The following ANXA8 variants were observed in gnomAD, a reference collection of about 807,000 sequenced individuals.
The protein encoded by ANXA8 is annexin A8, also known as VAC-beta.
A neutral mutation model predicts 26.8 loss-of-function variants in ANXA8; 9 were observed. The ratio of observed to expected loss-of-function variants is 0.34; its 90% CI spans 0.20 to 0.59. The LOEUF (loss-of-function observed/expected upper bound fraction) is 0.59. ANXA8 is among the 20% of genes least tolerant of loss of function. The pLI, the probability that ANXA8 is intolerant of heterozygous loss-of-function variation, is 0.84. For missense variants in ANXA8, 83 were observed against 238.5 expected, an observed-to-expected ratio of 0.35 and a Z score of 4.29; for synonymous variants, 39 against 94.8, an observed-to-expected ratio of 0.41 and a Z score of 3.42.
chr10:47,513,660 A>C, the ANXA8 span, among the ~76,000 whole-genome samples: 1 of 140,390 alleles, frequency 7.1e-6, no homozygotes, highest in Non-Finnish European at 1.6e-5. Context: ...TAGTCGCCAA[A>C]ATAGCACGGT....
At chr10:47,778,148 G>A in the ANXA8 span, among the ~76,000 whole-genome samples, 1 of 149,876 alleles carries the variant, frequency 6.7e-6, no homozygotes, top group Non-Finnish European at 1.5e-5. Flanking sequence ...GGGCCAGAGT[G>A]TTTCATATTT....
At chr10:47,664,261 C>T in the ANXA8 span, among the ~76,000 whole-genome samples, 1 of 151,988 alleles carries the variant, frequency 6.6e-6, no homozygotes, top group African/African-American at 2.4e-5. Flanking sequence ...GCCTGTCATC[C>T]CAGCTACTGG....
At chr10:47,493,566 C>A in the ANXA8 span, among the ~76,000 whole-genome samples, 1 of 150,062 alleles carries the variant, frequency 6.7e-6, no homozygotes, top group Non-Finnish European at 1.5e-5. Flanking sequence ...CCCCACAGAC[C>A]CCCTCCTCAT....
chr10:47,497,629 A>AC, the ANXA8 span, among the ~76,000 whole-genome samples: 10 of 139,510 alleles, frequency 7.2e-5, no homozygotes, highest in African/African-American at 2.6e-4. Flanking sequence ...CAAAAAAAAA[A>AC]AACAACAACA....
chr10:47,560,201 CTGTT>C, the ANXA8 span, among the ~76,000 whole-genome samples: 1 of 151,706 alleles, frequency 6.6e-6, no homozygotes, highest in Admixed American at 6.6e-5. Flanking sequence ...TTGAATGCTT[CTGTT>C]TGATTTATGA....
the ANXA8 span, among the ~76,000 whole-genome samples, chr10:47,522,273 C>T: frequency 4.8e-5 from 7 of 144,462 alleles, no homozygotes; most frequent in African/African-American, 1.8e-4. Flanking sequence ...TGAACCAATC[C>T]CCACCTCTCT....
the ANXA8 span, chr10:47,502,109 A>G: frequency 6.4e-7 from 1 of 1,573,342 alleles, no homozygotes; most frequent in Non-Finnish European, 8.6e-7. Context: ...GTACTGCAGA[A>G]GCACGTTGAT....
the ANXA8 span, among the ~76,000 whole-genome samples, chr10:47,653,987 G>A: frequency 6.6e-6 from 1 of 150,966 alleles, no homozygotes; most frequent in East Asian, 1.9e-4. Context: ...GGAACACCTA[G>A]GGATAGAGTA....
chr10:47,665,349 G>A, the ANXA8 span, among the ~76,000 whole-genome samples: 1 of 150,532 alleles, frequency 6.6e-6, no homozygotes, highest in Non-Finnish European at 1.5e-5. Context: ...ATTTCTAGGA[G>A]GAATGATTGT....
At chr10:47,639,311 A>ATTTTTTTT in the ANXA8 span, among the ~76,000 whole-genome samples, 1 of 59,556 alleles carries the variant, frequency 1.7e-5, no homozygotes, top group Non-Finnish European at 3.4e-5. Context: ...TATTATTATT[A>ATTTTTTTT]TTATTTTTTT....
the ANXA8 span, among the ~76,000 whole-genome samples, chr10:47,555,813 A>G: frequency 2.6e-5 from 4 of 152,094 alleles, no homozygotes; most frequent in African/African-American, 7.3e-5. Flanking sequence ...GAAAACCCAC[A>G]CATTTGGTTT....
the ANXA8 span, among the ~76,000 whole-genome samples, chr10:47,969,866 C>A: frequency 4.0e-5 from 6 of 151,378 alleles, no homozygotes; most frequent in East Asian, 7.7e-4. Context: ...CAGGTGGGAG[C>A]CACAGTGCTA....
the ANXA8 span, among the ~76,000 whole-genome samples, chr10:47,945,155 C>T: frequency 3.3e-5 from 5 of 150,030 alleles, no homozygotes; most frequent in African/African-American, 1.2e-4. Context: ...AATTCCTGGG[C>T]ATAGCCATGC....
the ANXA8 span, among the ~76,000 whole-genome samples, chr10:47,720,920 G>A: frequency 7.1e-6 from 1 of 139,918 alleles, no homozygotes; most frequent in Non-Finnish European, 1.6e-5. Flanking sequence ...GCCGTGGTGG[G>A]GGGATCGCTT....
chr10:47,625,670 G>T, the ANXA8 span, among the ~76,000 whole-genome samples: 1 of 152,128 alleles, frequency 6.6e-6, no homozygotes, highest in East Asian at 1.9e-4. Flanking sequence ...AGGTACATGA[G>T]CCCGAATTTG....
the ANXA8 span, among the ~76,000 whole-genome samples, chr10:47,772,350 G>T: frequency 6.6e-5 from 10 of 152,222 alleles, no homozygotes; most frequent in African/African-American, 2.4e-4. Context: ...AGAAGGAAAG[G>T]AATCTGATAG....
chr10:47,506,585 C>T, the ANXA8 span, among the ~76,000 whole-genome samples: 3 of 142,664 alleles, frequency 2.1e-5, no homozygotes, highest in African/African-American at 7.6e-5. Flanking sequence ...CCACCTTGGC[C>T]TCCCAAAATG....
At chr10:47,658,847 A>ATTATTTAT in the ANXA8 span, among the ~76,000 whole-genome samples, 3,729 of 133,552 alleles carry the variant, frequency 0.028, 73 homozygotes, top group Non-Finnish European at 0.038. Flanking sequence ...TTATTTATTT[A>ATTATTTAT]TTATTTATTT....
At chr10:47,572,612 G>T in the ANXA8 span, among the ~76,000 whole-genome samples, 1 of 149,604 alleles carries the variant, frequency 6.7e-6, no homozygotes, top group Non-Finnish European at 1.5e-5. Context: ...AGCTACTCAG[G>T]AGGCTAAGGG....
Sources: gnomAD v4.1 joint callset for allele counts (sites outside exome capture counted in the v4.1 genomes callset) on GRCh38, gnomAD v4.1.1 for gene constraint, MANE v1.5 for transcripts, NCBI Gene and HGNC (gene_info 2026-07-23, HGNC 2026-07-21) for gene names.